The following SORCS2 variants were observed in gnomAD, a reference collection of about 807,000 sequenced individuals.
The protein encoded by SORCS2 is sortilin related VPS10 domain containing receptor 2, also known as VPS10 domain-containing receptor SorCS2.
In SORCS2, 100 loss-of-function variants were observed where a neutral mutation model predicts 141.6. The ratio of observed to expected loss-of-function variants is 0.71; its 90% CI spans 0.60 to 0.83. The LOEUF is 0.83. Ranked by LOEUF, SORCS2 falls within the 40% of genes least tolerant of loss-of-function variation. The probability of loss-of-function intolerance (pLI) is 0.00; values close to 1 mark genes in which losing one functional copy is unlikely to be tolerated. For missense variants in SORCS2, 1,646 were observed against 1,560.2 expected (o/e 1.05, Z -0.93); for synonymous variants, 789 against 676.9 (o/e 1.17, Z -2.57).
At chr4:7,581,213 T>G (rs916276651) in intron 3 of SORCS2, among the ~76,000 whole-genome samples, 2 of 150,962 alleles carry the variant, frequency 1.3e-5, no homozygotes, top group Non-Finnish European at 2.9e-5. Flanking sequence ...GTATTAAAAC[T>G]ATGTACAGAA....
intron 10 of SORCS2, 29 bp from the exon 11 acceptor site, chr4:7,689,457 G>A (rs765145183): frequency 6.4e-7 from 1 of 1,560,666 alleles, no homozygotes; most frequent in Admixed American, 1.9e-5. Flanking sequence ...CTCATGTGTT[G>A]ACAGTTGCGT....
intron 3 of SORCS2, among the ~76,000 whole-genome samples, chr4:7,622,919 C>T (rs1202268563): frequency 6.6e-6 from 1 of 152,110 alleles, no homozygotes; most frequent in Non-Finnish European, 1.5e-5. Context: ...TCACCCACTG[C>T]TCATGATGCG....
At chr4:7,521,818 C>T (rs1733349200) in intron 2 of SORCS2, among the ~76,000 whole-genome samples, 2 of 152,216 alleles carry the variant, frequency 1.3e-5, no homozygotes. Context: ...GTTCTGGGGT[C>T]CACTCAAGGG....
intron 1 of SORCS2, among the ~76,000 whole-genome samples, chr4:7,293,090 G>A (rs1419035090): frequency 1.3e-5 from 2 of 152,118 alleles, no homozygotes; most frequent in African/African-American, 4.8e-5. Flanking sequence ...GGATCATGAG[G>A]TCAGGAGATC....
At chr4:7,522,183 G>A (rs1323380645) in intron 2 of SORCS2, among the ~76,000 whole-genome samples, 6 of 152,196 alleles carry the variant, frequency 3.9e-5, no homozygotes, top group Non-Finnish European at 8.8e-5. Context: ...CTGCGCGTGT[G>A]ACTTCCGTGT....
intron 2 of SORCS2, among the ~76,000 whole-genome samples, chr4:7,400,718 A>G (rs184299309): frequency 1.3e-4 from 20 of 148,306 alleles, no homozygotes; most frequent in African/African-American, 5.0e-4. Flanking sequence ...TGGATGGATG[A>G]ATGGATGGAT....
At chr4:7,456,050 C>T (rs1412861442) in intron 2 of SORCS2, among the ~76,000 whole-genome samples, 1 of 152,120 alleles carries the variant, frequency 6.6e-6, no homozygotes, top group Non-Finnish European at 1.5e-5. Flanking sequence ...GCCTCCCTCC[C>T]CGGCTTGCAG....
intron 1 of SORCS2, among the ~76,000 whole-genome samples, chr4:7,238,701 T>TTTGAATCCAGCTCCTCCTGG (rs1712469105): frequency 1.3e-5 from 2 of 152,054 alleles, no homozygotes; most frequent in Non-Finnish European, 2.9e-5. Context: ...CTGCCCTGCG[T>TTTGAATCCAGCTCCTCCTGG]GTGTCTGGGT....
intron 1 of SORCS2, among the ~76,000 whole-genome samples, chr4:7,203,329 C>T (rs1020426129): frequency 6.6e-6 from 1 of 152,296 alleles, no homozygotes; most frequent in African/African-American, 2.4e-5. Context: ...AAGGCTGAGG[C>T]AGAAGAATCG....
chr4:7,340,232 G>C (rs1720284848), intron 1 of SORCS2, among the ~76,000 whole-genome samples: 1 of 152,256 alleles, frequency 6.6e-6, no homozygotes, highest in Admixed American at 6.5e-5. Context: ...ACCCAGGCCT[G>C]TACGACCCTC....
chr4:7,246,449 A>G (rs10007984), intron 1 of SORCS2, among the ~76,000 whole-genome samples: 114,364 of 144,806 alleles, frequency 0.79, 43,458 homozygotes, highest in East Asian at 0.82. Context: ...GAACCCACAC[A>G]TCTCACCTGG....
chr4:7,555,172 A>G (rs945937073), intron 3 of SORCS2, among the ~76,000 whole-genome samples: 20 of 152,212 alleles, frequency 1.3e-4, no homozygotes, highest in African/African-American at 4.6e-4. Context: ...TGTGAAAGTG[A>G]TGGTAATTGC....
chr4:7,438,793 C>T (rs1242073563), intron 2 of SORCS2, among the ~76,000 whole-genome samples: 2 of 151,780 alleles, frequency 1.3e-5, no homozygotes, highest in African/African-American at 4.8e-5. Context: ...TCTCACTACC[C>T]CTCCCTCCTT....
chr4:7,574,427 G>C (rs1441765085), intron 3 of SORCS2, among the ~76,000 whole-genome samples: 2 of 152,200 alleles, frequency 1.3e-5, no homozygotes, highest in Non-Finnish European at 2.9e-5. Flanking sequence ...GAGTGATGAC[G>C]TGTTCTTCCA....
In SORCS2 at chr4:7,403,961, G is replaced by GTGTATATATATA. The variant is rs1260939310; in HGVS notation, c.548+7607_548+7608insGTATATATATAT. 1.7e-4 allele frequency among the ~76,000 whole-genome samples: 5 copies of GTGTATATATATA among 29,900 alleles called. 1 individual carries two copies. Among genetic ancestry groups the GTGTATATATATA allele is most frequent in the South Asian group, 1.4e-3 (2 of 1,404 alleles). 19.6% of individuals were successfully genotyped at this position (29,900 alleles called of 152,430 possible). A position where few individuals can be genotyped will look rare whatever the true frequency, so the allele number is the denominator to read the frequency against. On this transcript the variant is annotated intron_variant, in intron 2 of 26. Transcript: ENST00000507866. ...TGTCATTTTCTCTGCCTCCATGTGTGTATATATATATATATATATATATAT... is the reference window on the plus strand; with the variant it reads ...TGTCATTTTCTCTGCCTCCATGTGTGTGTATATATATATATATATATATATATATATATATAT...
chr4:7,479,022 T>C (rs1368189307), intron 2 of SORCS2, among the ~76,000 whole-genome samples: 1 of 152,096 alleles, frequency 6.6e-6, no homozygotes, highest in Non-Finnish European at 1.5e-5. Context: ...GGTCAAAGCT[T>C]CTCTAGAAGG....
rs1489535439 is a variant in SORCS2, at chr4:7,221,853, G to GAAA, written c.480+28727_480+28728insAAA. 6.4e-3 allele frequency among the ~76,000 whole-genome samples: 974 copies of GAAA among 152,320 alleles called. 8 individuals carry two copies. The highest frequency in any genetic ancestry group is 0.022 in the African/African-American group (934 of 41,562). On this transcript the variant is annotated intron_variant, in intron 1 of 26. Transcript: ENST00000507866. ...TATATTTAAGGAGTATTTTCTGAGTGTTTGGCCCTGTGGTAGGAGGCACTG... is the reference window on the plus strand; with the variant it reads ...TATATTTAAGGAGTATTTTCTGAGTGAAATTTGGCCCTGTGGTAGGAGGCACTG...
In SORCS2 at chr4:7,193,502, T is replaced by C. The variant is rs976261561; in HGVS notation, c.480+376T>C. Among the ~76,000 whole-genome samples, 1 of 152,128 alleles carries C rather than the reference T, an allele frequency of 6.6e-6. No homozygotes were observed. The highest frequency in any genetic ancestry group is 1.9e-4 in the East Asian group (1 of 5,174). On this transcript the variant is annotated intron_variant, in intron 1 of 26. Transcript: ENST00000507866. This position sits in a 1 kb window ranked among gnomAD's most constrained non-coding sequence, Gnocchi z 4.8. The stretch of plus-strand genomic sequence containing the variant: ...GGCGTTACCTCCCCTGCCCCCAGAC[T>C]CCACCAGCTGAGCGTCGCGTTCTGG...
chr4:7,333,986 CA>C (rs1719822486), intron 1 of SORCS2, among the ~76,000 whole-genome samples: 1 of 152,112 alleles, frequency 6.6e-6, no homozygotes, highest in Non-Finnish European at 1.5e-5. Context: ...CAGCTGGGGA[CA>C]GCGTCCCCTG....
Sources: gnomAD v4.1 joint callset for allele counts (sites outside exome capture counted in the v4.1 genomes callset) on GRCh38, gnomAD v4.1.1 for gene constraint, Gnocchi (gnomAD v3.1) non-coding constraint, MANE v1.5 for transcripts, NCBI Gene and HGNC (gene_info 2026-07-23, HGNC 2026-07-21) for gene names.